Variants in TSHZ2 observed in about 807,000 individuals in gnomAD.
TSHZ2 encodes the protein teashirt zinc finger homeobox 2, also known as teashirt homolog 2.
In TSHZ2, 21 loss-of-function variants were observed where a neutral mutation model predicts 74.4. That is an observed-to-expected ratio of 0.28 (90% CI 0.20 to 0.41). The LOEUF is 0.41. Among genes scored for constraint, TSHZ2 ranks in the 10% least tolerant of loss-of-function variants. The pLI, the probability that TSHZ2 is intolerant of heterozygous loss-of-function variation, is 1.00. For missense variants in TSHZ2, 1,244 were observed against 1,293.5 expected (o/e 0.96, Z 0.59); for synonymous variants, 540 against 515.3 (o/e 1.05, Z -0.65).
At chr20:53,430,827 C>T (rs28368737) in intron 2 of TSHZ2, among the ~76,000 whole-genome samples, 38,402 of 152,018 alleles carry the variant, frequency 0.25, 4,949 homozygotes, top group African/African-American at 0.28. Flanking sequence ...GGCGTGGTCT[C>T]GGCTCACTAC....
At chr20:53,250,725 G>A (rs910205888) in intron 1 of TSHZ2, among the ~76,000 whole-genome samples, 5 of 152,024 alleles carry the variant, frequency 3.3e-5, no homozygotes, top group East Asian at 1.9e-4. Context: ...CTGTATTGTG[G>A]GGGAGGCGTT....
chr20:52,989,445 A>C (rs184348731), intron 1 of TSHZ2, among the ~76,000 whole-genome samples: 2 of 152,356 alleles, frequency 1.3e-5, no homozygotes, highest in Admixed American at 1.3e-4. Context: ...CTGTTAAAAA[A>C]ATAAAATGAG....
At chr20:53,202,726 G>T (rs1303710463) in intron 1 of TSHZ2, among the ~76,000 whole-genome samples, 3 of 152,088 alleles carry the variant, frequency 2.0e-5, no homozygotes, top group Non-Finnish European at 4.4e-5. Context: ...CTTCATTCTA[G>T]GCTGCCTGGG....
At chr20:53,456,529 T>A (rs1985091727) in intron 2 of TSHZ2, among the ~76,000 whole-genome samples, 1 of 114,548 alleles carries the variant, frequency 8.7e-6, no homozygotes, top group Non-Finnish European at 1.7e-5. Context: ...CTGATGGTAG[T>A]TTCTTTTGCT....
intron 2 of TSHZ2, chr20:53,398,901 C>T (rs905917749): frequency 6.6e-6 from 1 of 151,946 alleles, no homozygotes; most frequent in Non-Finnish European, 1.5e-5. Flanking sequence ...ATACACTGAG[C>T]ACCATCCCTT....
intron 2 of TSHZ2, among the ~76,000 whole-genome samples, chr20:53,281,386 G>A (rs1991058136): frequency 6.6e-6 from 1 of 152,204 alleles, no homozygotes; most frequent in Non-Finnish European, 1.5e-5. Context: ...ACAGAGGTTT[G>A]TAAACCTCTT....
chr20:53,213,795 A>G (rs949890064), intron 1 of TSHZ2, among the ~76,000 whole-genome samples: 2 of 152,122 alleles, frequency 1.3e-5, no homozygotes, highest in African/African-American at 4.8e-5. Flanking sequence ...TTTATAAAAC[A>G]AAGCCATTAT....
At chr20:53,089,407 C>A (rs1248265312) in intron 1 of TSHZ2, among the ~76,000 whole-genome samples, 1 of 148,364 alleles carries the variant, frequency 6.7e-6, no homozygotes, top group African/African-American at 2.5e-5. Context: ...ACATTTTGCA[C>A]CGTAATAGAA....
At position 53,491,373 on chromosome 20, in the gene TSHZ2, T is replaced by C. The variant is rs1226241657; in HGVS notation, c.*4238T>C. The C allele has an allele frequency of 1.3e-5, 2 of 152,198 alleles. No homozygotes were observed. The highest frequency in any genetic ancestry group is 1.9e-4 in the East Asian group (1 of 5,198). 9.4% of individuals were successfully genotyped at this position (152,198 alleles called of 1,614,324 possible). On this transcript the variant is annotated 3_prime_UTR_variant, in exon 3 of 3. Transcript: ENST00000371497. ...TCTCAAAATATCTATGAAATACTTT[T>C]AGACAAAGATTGAGCTGGAGAAAGA...
At chr20:53,085,574 C>T (rs190877270) in intron 1 of TSHZ2, among the ~76,000 whole-genome samples, 2 of 152,290 alleles carry the variant, frequency 1.3e-5, no homozygotes, top group East Asian at 3.9e-4. Context: ...CACTTATTTA[C>T]ATGCCAGGCC....
chr20:53,431,563 G>A (rs1983851158), intron 2 of TSHZ2, among the ~76,000 whole-genome samples: 1 of 152,086 alleles, frequency 6.6e-6, no homozygotes, highest in South Asian at 2.1e-4. Context: ...CTTGCTATGG[G>A]ACAGGTACTG....
At chr20:53,371,254 G>A (rs156615) in intron 2 of TSHZ2, among the ~76,000 whole-genome samples, 14,343 of 152,190 alleles carry the variant, frequency 0.094, 827 homozygotes, top group Non-Finnish European at 0.13. Flanking sequence ...TGATGGATAT[G>A]ACCTCTATTA....
chr20:53,336,514 A>G (rs1218984072), intron 2 of TSHZ2, among the ~76,000 whole-genome samples: 3 of 152,222 alleles, frequency 2.0e-5, no homozygotes, highest in East Asian at 1.9e-4. Flanking sequence ...TGGAAGATGC[A>G]TTCTGATTTT....
intron 1 of TSHZ2, among the ~76,000 whole-genome samples, chr20:53,014,473 G>C (rs923119715): frequency 6.6e-6 from 1 of 152,128 alleles, no homozygotes; most frequent in Non-Finnish European, 1.5e-5. Context: ...TGGAGCATTA[G>C]TTATGAACCA....
intron 2 of TSHZ2, among the ~76,000 whole-genome samples, chr20:53,280,668 G>GTTTT (rs1339439476): frequency 0.063 from 7,840 of 125,148 alleles, 353 homozygotes; most frequent in African/African-American, 0.17. Flanking sequence ...TTTGTTTTTT[G>GTTTT]TTGTTGTTGT....
At chr20:53,282,037 A>G (rs772297999) in intron 2 of TSHZ2, among the ~76,000 whole-genome samples, 2 of 152,224 alleles carry the variant, frequency 1.3e-5, no homozygotes, top group Non-Finnish European at 2.9e-5. Context: ...GCACAAGGAT[A>G]TAGTATCCAA....
chr20:53,176,812 G>T (rs1423756979), intron 1 of TSHZ2, among the ~76,000 whole-genome samples: 1 of 150,596 alleles, frequency 6.6e-6, no homozygotes, highest in Non-Finnish European at 1.5e-5. Context: ...TCAGCCTCCC[G>T]AGTAGCTGGG....
chr20:53,266,531 A>G (rs1215853710), intron 2 of TSHZ2, among the ~76,000 whole-genome samples: 1 of 152,114 alleles, frequency 6.6e-6, no homozygotes, highest in East Asian at 1.9e-4. Flanking sequence ...CAAATAAGAA[A>G]CCAATTACCT....
At chr20:53,264,303 A>G (rs1294540386) in intron 2 of TSHZ2, among the ~76,000 whole-genome samples, 2 of 152,246 alleles carry the variant, frequency 1.3e-5, no homozygotes, top group African/African-American at 4.8e-5. Context: ...GGTAGCAGGT[A>G]GCACACAGCA....
Sources: allele counts gnomAD v4.1 joint callset (sites outside exome capture counted in the v4.1 genomes callset), GRCh38; gene constraint gnomAD v4.1.1; transcripts MANE v1.5; gene names NCBI Gene and HGNC (gene_info 2026-07-23, HGNC 2026-07-21).